Variants in DPPA2 observed in about 807,000 individuals in gnomAD.
The protein encoded by DPPA2 is developmental pluripotency-associated protein 2.
A neutral mutation model predicts 36.2 loss-of-function variants in DPPA2; 26 were observed. That is an observed-to-expected ratio of 0.72 (90% CI 0.53 to 1.00). The LOEUF (loss-of-function observed/expected upper bound fraction) is 1.00, where lower values mean the gene tolerates loss of function less well. Among genes scored for constraint, DPPA2 ranks in the 50% least tolerant of loss-of-function variants. The probability of loss-of-function intolerance (pLI) is 0.00; values close to 1 mark genes in which losing one functional copy is unlikely to be tolerated. For missense variants in DPPA2, 361 were observed against 365.1 expected, an observed-to-expected ratio of 0.99 and a Z score of 0.09; for synonymous variants, 113 against 123.2, an observed-to-expected ratio of 0.92 and a Z score of 0.55.
At chr3:109,296,612 T>A (rs574699544) in intron 8 of DPPA2, among the ~76,000 whole-genome samples, 2 of 151,340 alleles carry the variant, frequency 1.3e-5, no homozygotes, top group South Asian at 4.2e-4. Flanking sequence ...GAGGTGGAGG[T>A]TGCAGAGAGC....
chr3:109,307,906 T>C, intron 6 of DPPA2, 126 bp downstream of exon 6: 1 of 1,272,580 alleles, frequency 7.9e-7, no homozygotes, highest in East Asian at 2.5e-5. Flanking sequence ...ATGTCCCATG[T>C]GAATCCAATT....
chr3:109,297,916 C>T (rs542062784), intron 8 of DPPA2, among the ~76,000 whole-genome samples: 1 of 152,110 alleles, frequency 6.6e-6, no homozygotes, highest in Admixed American at 6.5e-5. Flanking sequence ...AGACCAATCT[C>T]GCCAACACAG....
chr3:109,314,285 A>G (rs898029318), intron 2 of DPPA2, among the ~76,000 whole-genome samples: 45 of 152,244 alleles, frequency 3.0e-4, no homozygotes, highest in African/African-American at 1.0e-3. Context: ...CCTTTGGACT[A>G]AGAGGAGAAA....
chr3:109,299,301 A>AG (rs1304710368), intron 8 of DPPA2, among the ~76,000 whole-genome samples: 3 of 152,090 alleles, frequency 2.0e-5, no homozygotes, highest in Non-Finnish European at 2.9e-5. Flanking sequence ...TCCCAAGATT[A>AG]GGAGTTCGAG....
chr3:109,304,384 G>A lies in DPPA2; in HGVS notation c.854+91C>T, dbSNP rs151319117. On this transcript the variant is annotated intron_variant, in intron 7 of 8. Coordinates refer to ENST00000478945, the MANE Select transcript of DPPA2 (RefSeq NM_138815.4). The stretch of plus-strand genomic sequence containing the variant: ...GGCAAATTAAGAAGACAGCATGTTC[G>A]CCCTCTGCTTTCTACTGTTAAATTA... The A allele has an allele frequency of 8.9e-5, 116 of 1,300,942 alleles. No individual in the cohort carries two copies. The African/African-American group carries it at 1.5e-3, about 17-fold the overall frequency. 80.6% of individuals were successfully genotyped at this position (1,300,942 alleles called of 1,614,324 possible). A position where few individuals can be genotyped will look rare whatever the true frequency, so the allele number is the denominator to read the frequency against.
chr3:109,309,097 G>A lies in DPPA2; in HGVS notation c.343-18C>T, dbSNP rs72935076. 1,006 of 1,614,156 alleles carry A rather than the reference G, an allele frequency of 6.2e-4. 2 individuals are homozygous for A. The African/African-American group carries it at 0.01, about 16-fold the overall frequency. ...TCGATTTTCTTAGGAAATGAAGAGA[G>A]AGATTAAGTTAAAAGTTGACAAAGA... On this transcript the variant is annotated intron_variant, in intron 4 of 8. Transcript: ENST00000478945.
At chr3:109,306,956 G>A (rs1456556580) in intron 6 of DPPA2, among the ~76,000 whole-genome samples, 3 of 151,634 alleles carry the variant, frequency 2.0e-5, no homozygotes, top group Non-Finnish European at 4.4e-5. Flanking sequence ...AAAAGCGTGA[G>A]CCACTGTGCC....
intron 8 of DPPA2, 49 bp from the exon 9 acceptor site, chr3:109,294,053 C>G (rs59022946): frequency 6.6e-6 from 1 of 152,098 alleles, no homozygotes; most frequent in Non-Finnish European, 1.5e-5. Flanking sequence ...TTGAGCTATA[C>G]GCAGAGTTTG....
intron 8 of DPPA2, among the ~76,000 whole-genome samples, chr3:109,296,462 G>A (rs1207756469): frequency 6.6e-6 from 1 of 152,160 alleles, no homozygotes; most frequent in Non-Finnish European, 1.5e-5. Context: ...ATCACCTGAG[G>A]TCAGAAGTTT....
chr3:109,309,935 AC>A (rs1480465968), intron 3 of DPPA2, among the ~76,000 whole-genome samples: 2 of 151,752 alleles, frequency 1.3e-5, no homozygotes, highest in Non-Finnish European at 2.9e-5. Flanking sequence ...TAGAAAAATT[AC>A]CTGGGCATAT....
rs764115144 is a variant in DPPA2 at position 109,309,235 on chromosome 3, T to A, written c.277A>T (p.Asn93Tyr). ...LPLPTILPPI[N>Y]KVCRDTLRDW... ...CGCAAAGTGTCCCGACACACCTTATTAATGGGAGGCAAAATGGTCGGCAAG... is the reference window on the plus strand; with the variant it reads ...CGCAAAGTGTCCCGACACACCTTATAAATGGGAGGCAAAATGGTCGGCAAG... Residue 93 changes from asparagine (N) to tyrosine (Y), a missense_variant, in exon 4 of 9, where the codon AAT becomes TAT. Asn to Tyr is a moderately radical substitution (Grantham distance 143). Transcript: ENST00000478945. The A allele has an allele frequency of 6.2e-7, 1 of 1,614,154 alleles. No individual in the cohort carries two copies.
intron 3 of DPPA2, among the ~76,000 whole-genome samples, chr3:109,312,265 C>T (rs1462562373): frequency 6.6e-6 from 1 of 152,122 alleles, no homozygotes; most frequent in Admixed American, 6.5e-5. Context: ...GCTCAGAAGG[C>T]GGAGGTTGCA....
chr3:109,294,789 C>T (rs1363957667), intron 8 of DPPA2, among the ~76,000 whole-genome samples: 1 of 152,014 alleles, frequency 6.6e-6, no homozygotes, highest in Non-Finnish European at 1.5e-5. Context: ...TTTGGGAAAC[C>T]GAGGTGGGTG....
chr3:109,303,484 C>T lies in DPPA2; in HGVS notation c.854+991G>A, dbSNP rs1438005440. 2.6e-5 allele frequency among the ~76,000 whole-genome samples: 4 copies of T among 152,082 alleles called. No individual in the cohort carries two copies. The East Asian group carries it at 5.9e-4, about 22-fold the overall frequency. On this transcript the variant is annotated intron_variant, in intron 7 of 8. Transcript: ENST00000478945. ...CTCCCGGGTTCAGCGATTCTTCTGC[C>T]TCAGTCTCCCGAGTAGCTGGGATTA... is the stretch of plus-strand genomic sequence containing the variant.
At chr3:109,312,132 G>C (rs564889502) in intron 3 of DPPA2, among the ~76,000 whole-genome samples, 4 of 152,052 alleles carry the variant, frequency 2.6e-5, no homozygotes, top group Admixed American at 6.6e-5. Flanking sequence ...TCAGGAGTTC[G>C]AGACCAGCCT....
At chr3:109,299,890 G>A (rs1473926727) in intron 8 of DPPA2, among the ~76,000 whole-genome samples, 4 of 151,654 alleles carry the variant, frequency 2.6e-5, no homozygotes, top group East Asian at 1.9e-4. Flanking sequence ...CCGGTAGCTG[G>A]GACTACAGGT....
intron 3 of DPPA2, among the ~76,000 whole-genome samples, chr3:109,310,235 A>G (rs1707677193): frequency 7.3e-6 from 1 of 136,394 alleles, no homozygotes; most frequent in Non-Finnish European, 1.6e-5. Flanking sequence ...TCTCAAAAAA[A>G]AAAAAAAAAA....
chr3:109,302,470 T>C (rs1707471611), intron 7 of DPPA2, among the ~76,000 whole-genome samples: 1 of 152,222 alleles, frequency 6.6e-6, no homozygotes, highest in Non-Finnish European at 1.5e-5. Context: ...CTTTTGTTTT[T>C]GAGACGGAGT....
chr3:109,310,011 C>T (rs1707668950), intron 3 of DPPA2, among the ~76,000 whole-genome samples: 1 of 151,518 alleles, frequency 6.6e-6, no homozygotes, highest in Admixed American at 6.6e-5. Context: ...GGTGGATCAC[C>T]TGGGAGTTTG....
Sources: gnomAD v4.1 joint callset for allele counts (sites outside exome capture counted in the v4.1 genomes callset) on GRCh38, gnomAD v4.1.1 for gene constraint, MANE v1.5 for transcripts, NCBI Gene and HGNC (gene_info 2026-07-23, HGNC 2026-07-21) for gene names.